TMEM132D: variants seen among roughly 807,000 people sequenced by gnomAD.
TMEM132D encodes the protein mature OL transmembrane protein.
TMEM132D carries 21 observed loss-of-function variants against 62.3 expected under a neutral mutation model. The observed-to-expected ratio is 0.34, with a 90% CI of 0.24 to 0.49. TMEM132D has a LOEUF of 0.49. Ranked by LOEUF, TMEM132D falls within the 20% of genes least tolerant of loss-of-function variation. The pLI is 0.99. For synonymous variants in TMEM132D, 621 were observed against 575.6 expected (o/e 1.08, Z -1.13); for missense variants, 1,346 against 1,402.8 (o/e 0.96, Z 0.65).
intron 5 of TMEM132D, among the ~76,000 whole-genome samples, chr12:129,096,085 C>T (rs1365624788): frequency 6.6e-6 from 1 of 152,162 alleles, no homozygotes; most frequent in Non-Finnish European, 1.5e-5. Flanking sequence ...GTCTACCTGG[C>T]AGCCTTCCCA....
intron 3 of TMEM132D, among the ~76,000 whole-genome samples, chr12:129,430,729 CATA>C: frequency 6.6e-6 from 1 of 152,218 alleles, no homozygotes; most frequent in East Asian, 1.9e-4. Context: ...CAGGCAGATA[CATA>C]ATAAACGCTG....
intron 5 of TMEM132D, among the ~76,000 whole-genome samples, chr12:129,125,621 G>A (rs1165440810): frequency 6.6e-6 from 1 of 151,244 alleles, no homozygotes; most frequent in Non-Finnish European, 1.5e-5. Flanking sequence ...CTGTGTAGCT[G>A]GGACTACAGG....
chr12:129,844,127 T>C (rs1020286279), intron 1 of TMEM132D, among the ~76,000 whole-genome samples: 2 of 152,128 alleles, frequency 1.3e-5, no homozygotes, highest in Non-Finnish European at 2.9e-5. Context: ...AAAGAACTTA[T>C]GAAGTGCCAT....
chr12:129,491,467 G>C (rs1405491466), intron 3 of TMEM132D, among the ~76,000 whole-genome samples: 2 of 152,152 alleles, frequency 1.3e-5, no homozygotes, highest in African/African-American at 4.8e-5. Flanking sequence ...TGGGGTGGAG[G>C]GAAGCCTTGC....
At position 129,222,148 on chromosome 12, in the gene TMEM132D, T is replaced by C. The variant is rs115382205; in HGVS notation, c.1300-12485A>G. Among the ~76,000 whole-genome samples the C allele has an allele frequency of 5.8e-3, 886 of 152,310 alleles. 6 individuals carry two copies. Among genetic ancestry groups the C allele is most frequent in the African/African-American group, 0.02 (818 of 41,564 alleles). Reference sequence around the variant, plus strand: ...ATAAAATAAAATAATTCTTCTACCTTTGGGGAGGCAGCAAGATTTTATGCT... The same window carrying C: ...ATAAAATAAAATAATTCTTCTACCTCTGGGGAGGCAGCAAGATTTTATGCT... On this transcript the variant is annotated intron_variant, in intron 4 of 8. Transcript: ENST00000422113.
chr12:129,157,259 T>C (rs1877274981), intron 5 of TMEM132D, among the ~76,000 whole-genome samples: 1 of 152,234 alleles, frequency 6.6e-6, no homozygotes, highest in Non-Finnish European at 1.5e-5. Flanking sequence ...GGCAGGGCCC[T>C]CATGACCTAA....
At chr12:129,769,280 G>A (rs569002819) in intron 1 of TMEM132D, among the ~76,000 whole-genome samples, 1 of 152,310 alleles carries the variant, frequency 6.6e-6, no homozygotes, top group East Asian at 1.9e-4. Context: ...GGCTGGGGAG[G>A]CCTCACAATC....
intron 3 of TMEM132D, among the ~76,000 whole-genome samples, chr12:129,408,763 C>T (rs375540362): frequency 6.9e-4 from 105 of 152,262 alleles, no homozygotes; most frequent in African/African-American, 2.4e-3. Flanking sequence ...TGCATATACA[C>T]TCATGTGCAC....
At chr12:129,577,432 C>T (rs1429437655) in intron 2 of TMEM132D, among the ~76,000 whole-genome samples, 2 of 147,866 alleles carry the variant, frequency 1.4e-5, no homozygotes, top group Non-Finnish European at 3.0e-5. Flanking sequence ...AAATATATAT[C>T]TATATTTATA....
chr12:129,178,975 T>C (rs917439164), intron 5 of TMEM132D, among the ~76,000 whole-genome samples: 1 of 152,204 alleles, frequency 6.6e-6, no homozygotes, highest in African/African-American at 2.4e-5. Context: ...ACTGTGTGAA[T>C]GGCCCAAGCT....
At chr12:129,636,737 T>TGTGTGTGTGTGTGTGTGAGAGAGA (rs375868329) in intron 2 of TMEM132D, among the ~76,000 whole-genome samples, 31 of 113,626 alleles carry the variant, frequency 2.7e-4, no homozygotes, top group Admixed American at 1.1e-3. Flanking sequence ...TGTGTGTGTG[T>TGTGTGTGTGTGTGTGTGAGAGAGA]GAGAGAGAGA....
At chr12:129,719,122 C>T (rs555016755) in intron 1 of TMEM132D, among the ~76,000 whole-genome samples, 4 of 148,998 alleles carry the variant, frequency 2.7e-5, no homozygotes, top group Non-Finnish European at 4.4e-5. Context: ...GGTGTAGTGG[C>T]GCATTCCTGT....
intron 3 of TMEM132D, among the ~76,000 whole-genome samples, chr12:129,362,339 C>G (rs1001673464): frequency 1.3e-5 from 2 of 152,094 alleles, no homozygotes; most frequent in Non-Finnish European, 2.9e-5. Flanking sequence ...GGAGGAAGAA[C>G]TAGGAGCCTC....
chr12:129,601,867 A>T (rs1878491969), intron 2 of TMEM132D, among the ~76,000 whole-genome samples: 1 of 152,202 alleles, frequency 6.6e-6, no homozygotes, highest in Non-Finnish European at 1.5e-5. Context: ...TCACAATGTG[A>T]CACAGAGATG....
At chr12:129,121,183 C>T (rs113286021) in intron 5 of TMEM132D, among the ~76,000 whole-genome samples, 3 of 152,256 alleles carry the variant, frequency 2.0e-5, no homozygotes, top group African/African-American at 7.2e-5. Flanking sequence ...GCAACCTCCA[C>T]CTCCTGAGTT....
intron 3 of TMEM132D, among the ~76,000 whole-genome samples, chr12:129,418,305 C>G (rs1269113373): frequency 6.6e-6 from 1 of 152,128 alleles, no homozygotes; most frequent in East Asian, 1.9e-4. Context: ...AGACTTGGAA[C>G]CAACCCAAAT....
intron 3 of TMEM132D, among the ~76,000 whole-genome samples, chr12:129,515,830 C>T (rs1216571472): frequency 6.6e-6 from 1 of 152,202 alleles, no homozygotes; most frequent in Non-Finnish European, 1.5e-5. Flanking sequence ...ATGCATAAAG[C>T]CACAGTTTTC....
chr12:129,162,522 A>G (rs1338964434), intron 5 of TMEM132D, among the ~76,000 whole-genome samples: 1 of 152,174 alleles, frequency 6.6e-6, no homozygotes. Context: ...GTCCCCTCCA[A>G]TTCTCATGGT....
At chr12:129,432,785 C>A (rs907698776) in intron 3 of TMEM132D, among the ~76,000 whole-genome samples, 3 of 152,166 alleles carry the variant, frequency 2.0e-5, no homozygotes, top group Non-Finnish European at 4.4e-5. Context: ...GGAAACTTTT[C>A]TTTTTGTATA....
Sources: gnomAD v4.1 joint callset for allele counts (sites outside exome capture counted in the v4.1 genomes callset) on GRCh38, gnomAD v4.1.1 for gene constraint, MANE v1.5 for transcripts, NCBI Gene and HGNC (gene_info 2026-07-23, HGNC 2026-07-21) for gene names.